FCHO1: variants seen among roughly 807,000 people sequenced by gnomAD.
FCHO1 encodes the protein F-BAR domain only protein 1.
A neutral mutation model predicts 114.4 loss-of-function variants in FCHO1; 45 were observed. That is an observed-to-expected ratio of 0.39 (90% confidence interval 0.31 to 0.50). The LOEUF (loss-of-function observed/expected upper bound fraction) is 0.50, where lower values mean the gene tolerates loss of function less well. Ranked by LOEUF, FCHO1 falls within the 20% of genes least tolerant of loss-of-function variation. The pLI, the probability that FCHO1 is intolerant of heterozygous loss-of-function variation, is 0.77. For synonymous variants in FCHO1, 480 were observed against 488.9 expected (o/e 0.98, Z 0.24); for missense variants, 1,042 against 1,209.6 (o/e 0.86, Z 2.06).
chr19:17,784,884 G>A lies in FCHO1; in HGVS notation c.2386G>A (p.Glu796Lys). Residue 796 changes from glutamate to lysine, a missense_variant, in exon 26 of 29, where the codon GAG becomes AAG. This residue lies in a region of FCHO1 where 137 missense variants were observed against 190.0 expected (regional missense o/e 0.72). Transcript: ENST00000596536. This position sits in a 1 kb window ranked among gnomAD's most constrained non-coding sequence, Gnocchi z 5.3. The part of the protein sequence containing the change: ...TNVQILLPVG[E>K]PVTNVRLQPA... Reference sequence around the variant, plus strand: ...CGTCCAGATCCTGCTGCCTGTGGGGGAGCCTGTGACCAACGTCCGCTTGCA... The same window carrying A: ...CGTCCAGATCCTGCTGCCTGTGGGGAAGCCTGTGACCAACGTCCGCTTGCA... 2 of 1,613,314 alleles carry A rather than the reference G, an allele frequency of 1.2e-6. No individual in the cohort carries two copies. Among genetic ancestry groups the A allele is most frequent in the Non-Finnish European group, 8.5e-7 (1 of 1,180,008 alleles).
Position 17,762,751 on chromosome 19 carries a change from A to G in FCHO1, c.28-11A>G. Reference sequence around the variant, plus strand: ...CCATCCTTTCTCAATCTCTATTCCCATCCCCTGCAGGGCGAGAAAAATCAT... The same window carrying G: ...CCATCCTTTCTCAATCTCTATTCCCGTCCCCTGCAGGGCGAGAAAAATCAT... On this transcript the variant is annotated splice_polypyrimidine_tract_variant and intron_variant, in intron 4 of 28. Transcript: ENST00000596536. 1 of 1,598,716 alleles carries G rather than the reference A, an allele frequency of 6.3e-7. No individual in the cohort carries two copies. Among genetic ancestry groups the G allele is most frequent in the South Asian group, 1.1e-5 (1 of 90,806 alleles).
rs143845923 is a variant in FCHO1, at chr19:17,783,099, C to G, written c.2020C>G (p.Pro674Ala). ...VRVFSGTPPPPVLSFRLVHTT... is the reference protein window; with the variant it reads ...VRVFSGTPPPAVLSFRLVHTT... ...TGTGTTCAGCGGGACCCCACCACCA[C>G]CTGTCCTCAGCTTCCGGCTTGTACA... is the stretch of plus-strand genomic sequence containing the variant. Residue 674 changes from proline to alanine, a missense_variant, in exon 24 of 29, where the codon CCT becomes GCT. Pro to Ala is a conservative substitution (Grantham distance 27). Coordinates refer to ENST00000596536, the MANE Select transcript of FCHO1 (RefSeq NM_015122.3). 1.0e-4 allele frequency: 166 copies of G among 1,614,026 alleles called. No homozygotes were observed. The African/African-American group carries it at 2.1e-3, about 21-fold the overall frequency.
chr19:17,755,318 T>A, intron 4 of FCHO1, 127 bp downstream of exon 4: 1 of 869,394 alleles, frequency 1.2e-6, no homozygotes, highest in Non-Finnish European at 1.8e-6. Flanking sequence ...GGATGGAAGT[T>A]AAAGTGGGAA....
Position 17,784,617 on chromosome 19 carries a change from C to A in FCHO1, c.2227-108C>A. ...ATCAAATCTCCCTGTGACTGGACCC[C>A]CTTGGGGCGGTGCGTGCATCGCAGG... is the stretch of plus-strand genomic sequence containing the variant. On this transcript the variant is annotated intron_variant, in intron 25 of 28. Coordinates refer to ENST00000596536, the MANE Select transcript of FCHO1 (RefSeq NM_015122.3). The surrounding 1 kb of genome is among the most constrained non-coding windows in gnomAD (Gnocchi z 5.3). The A allele has an allele frequency of 4.7e-6, 5 of 1,068,072 alleles. No individual in the cohort carries two copies. The allele number at this position is 1,068,072 out of a possible 1,614,324, so 66.2% of individuals were successfully genotyped here. A position where few individuals can be genotyped will look rare whatever the true frequency, so the allele number is the denominator to read the frequency against.
chr19:17,767,110 A>G, intron 7 of FCHO1, among the ~76,000 whole-genome samples: 1 of 146,178 alleles, frequency 6.8e-6, no homozygotes, highest in Admixed American at 7.0e-5. Context: ...TTTAAGAGAC[A>G]GGGTCTCACT....
chr19:17,757,333 G>A (rs1675469700), intron 4 of FCHO1, among the ~76,000 whole-genome samples: 1 of 152,142 alleles, frequency 6.6e-6, no homozygotes, highest in African/African-American at 2.4e-5. Context: ...GACGCTGCTG[G>A]GGGTTTGCCA....
chr19:17,782,232 T>C, intron 23 of FCHO1, among the ~76,000 whole-genome samples: 1 of 152,000 alleles, frequency 6.6e-6, no homozygotes, highest in East Asian at 1.9e-4. Flanking sequence ...AGACAGGGTC[T>C]CACTCTGTTG....
intron 1 of FCHO1, chr19:17,752,499 A>G (rs940441669): frequency 3.0e-5 from 4 of 132,820 alleles, no homozygotes; most frequent in Admixed American, 8.5e-5. Flanking sequence ...ACCTCAAGTG[A>G]TCCACCCACC....
chr19:17,759,411 CG>C (rs1272510551), intron 4 of FCHO1, among the ~76,000 whole-genome samples: 1 of 151,072 alleles, frequency 6.6e-6, no homozygotes, highest in Non-Finnish European at 1.5e-5. Context: ...TTAGTAGAGA[CG>C]GGGTTTCACC....
In FCHO1 at chr19:17,783,178, A is replaced by G. The variant is rs752837199; in HGVS notation, c.2093+6A>G. On this transcript the variant is annotated splice_donor_region_variant and intron_variant, in intron 24 of 28. Transcript: ENST00000596536. Reference sequence around the variant, plus strand: ...AACGCCGATCTGCTGTTCAGGTACTATGGAGGGGCAGTGGGAGAGGGCCTC... The same window carrying G: ...AACGCCGATCTGCTGTTCAGGTACTGTGGAGGGGCAGTGGGAGAGGGCCTC... 3.1e-6 allele frequency: 5 copies of G among 1,611,988 alleles called. No homozygotes were observed. Among genetic ancestry groups the G allele is most frequent in the Middle Eastern group, 1.6e-4 (1 of 6,076 alleles).
rs2092670734 is a variant in FCHO1 at position 17,776,662 on chromosome 19, C to T, written c.1235C>T (p.Pro412Leu). Residue 412 changes from proline to leucine, a missense_variant, in exon 18 of 29, where the codon CCT (proline) becomes CTT (leucine). By Grantham distance (98) the Pro-to-Leu change is moderately conservative (BLOSUM62 -3). Around this residue, in one of 3 missense-constraint regions of FCHO1, gnomAD observed 455 missense variants for 455.4 expected, o/e 1.00. Transcript: ENST00000596536. The surrounding 1 kb of genome is among the most constrained non-coding windows in gnomAD (Gnocchi z 4.4). ...SRDAAGKPQR[P>L]RSAPRTSSCA... ...GACGCTGCTGGGAAACCCCAGAGAC[C>T]TCGGTCTGCCCCCAGAACCAGCAGG... 3.7e-6 allele frequency: 6 copies of T among 1,613,848 alleles called. No individual in the cohort carries two copies. The highest frequency in any genetic ancestry group is 5.1e-6 in the Non-Finnish European group (6 of 1,179,964).
rs1303590511 is a variant in FCHO1, at chr19:17,776,150, C to T, written c.1171C>T (p.Pro391Ser). ...CACCGCGGGCAGCCTCATCCTTCCT[C>T]CTGGCCCAGGGGTGAGGCGTGGGAG... Reference protein sequence around the residue: ...RATAGSLILPPGPGGTMKRHS... With the variant: ...RATAGSLILPSGPGGTMKRHS... Residue 391 changes from proline (P) to serine (S), a missense_variant, in exon 16 of 29, where the codon CCT becomes TCT. By Grantham distance (74) the Pro-to-Ser change is moderately conservative. Around this residue, in one of 3 missense-constraint regions of FCHO1, gnomAD observed 450 missense variants for 564.1 expected, o/e 0.80. Transcript: ENST00000596536. This position sits in a 1 kb window ranked among gnomAD's most constrained non-coding sequence, Gnocchi z 4.4. The T allele has an allele frequency of 6.2e-7, 1 of 1,613,880 alleles. No homozygotes were observed.
At chr19:17,768,214 G>A (rs2090082162) in intron 7 of FCHO1, among the ~76,000 whole-genome samples, 1 of 152,082 alleles carries the variant, frequency 6.6e-6, no homozygotes, top group Admixed American at 6.6e-5. Context: ...GATTACAGGT[G>A]TGCTGGTGCA....
At chr19:17,778,563 C>CTT (rs768011756) in intron 19 of FCHO1, 46 bp from the exon 20 acceptor site, 2 of 1,483,168 alleles carry the variant, frequency 1.3e-6, no homozygotes, top group East Asian at 2.5e-5. Context: ...GGCAGGGACT[C>CTT]TGAGTGGGCG....
intron 24 of FCHO1, among the ~76,000 whole-genome samples, chr19:17,783,423 A>G (rs920439630): frequency 1.1e-4 from 17 of 149,044 alleles, no homozygotes; most frequent in Admixed American, 4.7e-4. Context: ...GTGCCACTAC[A>G]CCCAGCTAAT....
chr19:17,780,384 G>A (rs1189621641), intron 20 of FCHO1, among the ~76,000 whole-genome samples: 5 of 151,994 alleles, frequency 3.3e-5, no homozygotes, highest in African/African-American at 9.7e-5. Context: ...GGCTGGTCTC[G>A]AACTCCTGAC....
chr19:17,771,617 C>T (rs1234634767), intron 9 of FCHO1, among the ~76,000 whole-genome samples: 1 of 150,934 alleles, frequency 6.6e-6, no homozygotes, highest in East Asian at 2.0e-4. Flanking sequence ...TGCAGTGAGC[C>T]GAGATTGCGC....
chr19:17,784,610 T>G lies in FCHO1; in HGVS notation c.2227-115T>G. The G allele has an allele frequency of 1.0e-6, 1 of 978,180 alleles. No individual in the cohort carries two copies. Among genetic ancestry groups the G allele is most frequent in the Non-Finnish European group, 1.6e-6 (1 of 616,622 alleles). The allele number at this position is 978,180 out of a possible 1,614,324, so 60.6% of individuals were successfully genotyped here. ...CTCATCCATCAAATCTCCCTGTGAC[T>G]GGACCCCCTTGGGGCGGTGCGTGCA... On this transcript the variant is annotated intron_variant, in intron 25 of 28. Coordinates refer to ENST00000596536, the MANE Select transcript of FCHO1 (RefSeq NM_015122.3). The surrounding 1 kb of genome is among the most constrained non-coding windows in gnomAD (Gnocchi z 5.3).
In FCHO1 at chr19:17,784,691, G is replaced by C. The variant is rs372821699; in HGVS notation, c.2227-34G>C. Reference sequence around the variant, plus strand: ...GGTGTGGCAAGACAGGATGGCCCAAGCTGTGTCCTCTCTCTCATTCTCATT... The same window carrying C: ...GGTGTGGCAAGACAGGATGGCCCAACCTGTGTCCTCTCTCTCATTCTCATT... On this transcript the variant is annotated intron_variant, in intron 25 of 28. Transcript: ENST00000596536. This position sits in a 1 kb window ranked among gnomAD's most constrained non-coding sequence, Gnocchi z 5.3. 1 of 1,605,960 alleles carries C rather than the reference G, an allele frequency of 6.2e-7. No individual in the cohort carries two copies. Among genetic ancestry groups the C allele is most frequent in the Middle Eastern group, 1.7e-4 (1 of 6,050 alleles).
Sources: gnomAD v4.1 joint callset for allele counts (sites outside exome capture counted in the v4.1 genomes callset) on GRCh38, gnomAD v4.1.1 for gene constraint, gnomAD v4.1.1 regional missense constraint, Gnocchi (gnomAD v3.1) non-coding constraint, MANE v1.5 for transcripts, NCBI Gene and HGNC (gene_info 2026-07-23, HGNC 2026-07-21) for gene names.